DOCK4: variants seen among roughly 807,000 people sequenced by gnomAD.
DOCK4 encodes dedicator of cytokinesis protein 4.
A neutral mutation model predicts 268.1 loss-of-function variants in DOCK4; 97 were observed. The ratio of observed to expected loss-of-function variants is 0.36; its 90% confidence interval spans 0.31 to 0.43. DOCK4 has a LOEUF of 0.43. DOCK4 is among the 20% of genes least tolerant of loss of function. The probability of loss-of-function intolerance (pLI) is 1.00; values close to 1 mark genes in which losing one functional copy is unlikely to be tolerated. For missense variants in DOCK4, 2,145 were observed against 2,455.7 expected, an observed-to-expected ratio of 0.87 and a Z score of 2.67; for synonymous variants, 954 against 887.2, an observed-to-expected ratio of 1.08 and a Z score of -1.34.
At position 111,739,480 on chromosome 7, in the gene DOCK4, G is replaced by A; in HGVS notation, c.5041-3C>T. 6.4e-7 allele frequency: 1 copy of A among 1,562,596 alleles called. No homozygotes were observed. On this transcript the variant is annotated splice_region_variant and splice_polypyrimidine_tract_variant and intron_variant, in intron 47 of 52. Transcript: ENST00000428084. ...AAGCTTGAGGTAGATGGACTTGGCT[G>A]GAAACACACAGGGAGCTATTATCAT...
At chr7:111,819,720 A>T (rs902387945) in intron 27 of DOCK4, 1 of 152,240 alleles carries the variant, frequency 6.6e-6, no homozygotes, top group Non-Finnish European at 1.5e-5. Context: ...ATTTTGAGGG[A>T]TGAGCAATTC....
intron 1 of DOCK4, among the ~76,000 whole-genome samples, chr7:112,087,568 T>C (rs558224678): frequency 5.9e-5 from 9 of 152,104 alleles, no homozygotes; most frequent in African/African-American, 1.9e-4. Flanking sequence ...CAAAAACAAA[T>C]AATAAAATGT....
intron 1 of DOCK4, among the ~76,000 whole-genome samples, chr7:112,039,233 A>G (rs1804132250): frequency 6.6e-6 from 1 of 152,166 alleles, no homozygotes; most frequent in African/African-American, 2.4e-5. Context: ...TCCAACTTTT[A>G]CATTATTATT....
Position 112,206,368 on chromosome 7 carries a change from G to C in DOCK4, c.-230C>G. On this transcript the variant is annotated 5_prime_UTR_variant, in exon 1 of 53. Transcript: ENST00000428084. ...CTCACAGTCCTCCGACGCGCTCCCGGGTACCCGGCGGCGCAGTCATTGTTC... is the reference window on the plus strand; with the variant it reads ...CTCACAGTCCTCCGACGCGCTCCCGCGTACCCGGCGGCGCAGTCATTGTTC... The C allele has an allele frequency of 1.7e-6, 1 of 585,192 alleles. No homozygotes were observed. The highest frequency in any genetic ancestry group is 3.0e-6 in the Non-Finnish European group (1 of 332,562). 36.2% of individuals were successfully genotyped at this position (585,192 alleles called of 1,614,324 possible). A position where few individuals can be genotyped will look rare whatever the true frequency, so the allele number is the denominator to read the frequency against.
rs372483378 is a variant in DOCK4 at position 111,767,227 on chromosome 7, C to CTTTTTTTTT, written c.3829-118_3829-110dup. On this transcript the variant is annotated intron_variant, in intron 37 of 52. Transcript: ENST00000428084. ...AGAGCACCAAGCCTTACTCCTTAAT[C>CTTTTTTTTT]TTTTTTTTTTTTTTTTTTGAGATGG... The CTTTTTTTTT allele has an allele frequency of 1.6e-4, 74 of 465,644 alleles. 1 individual carries two copies. Among genetic ancestry groups the CTTTTTTTTT allele is most frequent in the African/African-American group, 1.2e-3 (45 of 39,016 alleles). 28.8% of individuals were successfully genotyped at this position (465,644 alleles called of 1,614,324 possible).
In DOCK4 at chr7:111,869,645, T is replaced by C; in HGVS notation, c.2038A>G (p.Lys680Glu). The change falls in exon 21 of 53, where the codon AAA becomes GAA. Residue 680 changes from lysine (K) to glutamate (E), a missense_variant. Physicochemically the swap from Lys to Glu is moderately conservative, Grantham distance 56. Transcript: ENST00000428084. ...CGGTCCACGTACCATTTGAGCACTT[T>C]GATGAGATCTCTAAAATACAGGGGA... is the stretch of plus-strand genomic sequence containing the variant. Reference protein sequence around the residue: ...AGALAYRDLIKVLKWYVDRIT... With the variant: ...AGALAYRDLIEVLKWYVDRIT... 1 of 1,613,308 alleles carries C rather than the reference T, an allele frequency of 6.2e-7. No homozygotes were observed. The highest frequency in any genetic ancestry group is 8.5e-7 in the Non-Finnish European group (1 of 1,179,318).
Position 112,206,293 on chromosome 7 carries a change from C to G in DOCK4, c.-155G>C, listed in dbSNP as rs888231815. ...GGGCAGGATCTGCGCTGGAGGCTCCCGAGCCCAGCGTTGACACTGCGCCGC... is the reference window on the plus strand; with the variant it reads ...GGGCAGGATCTGCGCTGGAGGCTCCGGAGCCCAGCGTTGACACTGCGCCGC... On this transcript the variant is annotated 5_prime_UTR_variant, in exon 1 of 53. Coordinates refer to ENST00000428084, the MANE Select transcript of DOCK4 (RefSeq NM_001363540.2). 4 of 786,736 alleles carry G rather than the reference C, an allele frequency of 5.1e-6. No homozygotes were observed. The highest frequency in any genetic ancestry group is 2.8e-5 in the East Asian group (1 of 36,074). The allele number at this position is 786,736 out of a possible 1,614,324, so 48.7% of individuals were successfully genotyped here. A position where few individuals can be genotyped will look rare whatever the true frequency, so the allele number is the denominator to read the frequency against.
At chr7:111,840,204 C>G (rs546257331) in intron 25 of DOCK4, among the ~76,000 whole-genome samples, 2 of 152,298 alleles carry the variant, frequency 1.3e-5, no homozygotes, top group Admixed American at 1.3e-4. Context: ...ACCTATTATA[C>G]ACATACATTA....
At chr7:111,742,231 T>A in intron 44 of DOCK4, 99 bp from the exon 45 acceptor site, 1 of 1,244,218 alleles carries the variant, frequency 8.0e-7, no homozygotes, top group Non-Finnish European at 1.1e-6. Flanking sequence ...TCGCTTGCAT[T>A]ATTGCTAATC....
intron 1 of DOCK4, among the ~76,000 whole-genome samples, chr7:112,036,861 A>G (rs559785423): frequency 1.5e-4 from 23 of 151,900 alleles, no homozygotes; most frequent in Non-Finnish European, 2.8e-4. Flanking sequence ...GGGTTTCACT[A>G]TGTTGGCCAA....
chr7:111,834,648 T>C lies in DOCK4; in HGVS notation c.2775A>G (p.Gln925=). 1 of 1,556,528 alleles carries C rather than the reference T, an allele frequency of 6.4e-7. No individual in the cohort carries two copies. Residue 925 remains glutamine (Q), a synonymous_variant, in exon 26 of 53, where the codon CAA becomes CAG. Transcript: ENST00000428084. ...GCTGTTGATAATGTCTATCTGTCATTTGTCGTAATAGGGACAGGAGACAAG... is the reference window on the plus strand; with the variant it reads ...GCTGTTGATAATGTCTATCTGTCATCTGTCGTAATAGGGACAGGAGACAAG... ...FVACLLSLLR[Q]MTDRHYQQLL... is the part of the protein sequence containing the mutation.
chr7:111,956,874 C>T (rs544609995), intron 8 of DOCK4, among the ~76,000 whole-genome samples: 46 of 152,252 alleles, frequency 3.0e-4, no homozygotes, highest in African/African-American at 1.1e-3. Flanking sequence ...ATACATTTTG[C>T]TTTACAAGCC....
chr7:112,000,634 C>T, intron 2 of DOCK4, 100 bp from the exon 3 acceptor site: 2 of 881,728 alleles, frequency 2.3e-6, no homozygotes, highest in Non-Finnish European at 3.3e-6. Context: ...TTTTACCATA[C>T]ATGAAAAGAT....
At chr7:112,158,779 T>C (rs546545356) in intron 1 of DOCK4, among the ~76,000 whole-genome samples, 123 of 152,344 alleles carry the variant, frequency 8.1e-4, no homozygotes, top group Non-Finnish European at 1.2e-3. Context: ...CTATTTTTAA[T>C]GAGCTTCTCA....
At chr7:112,056,051 C>T (rs768099487) in intron 1 of DOCK4, among the ~76,000 whole-genome samples, 6 of 152,114 alleles carry the variant, frequency 3.9e-5, no homozygotes, top group Non-Finnish European at 5.9e-5. Context: ...ACTTTTCCTT[C>T]TATCTTGAAT....
intron 52 of DOCK4, among the ~76,000 whole-genome samples, chr7:111,730,081 G>A (rs905836516): frequency 9.2e-5 from 14 of 152,136 alleles, no homozygotes; most frequent in Admixed American, 4.6e-4. Flanking sequence ...ACTATGCCAC[G>A]TGGGGACTAC....
intron 39 of DOCK4, among the ~76,000 whole-genome samples, chr7:111,762,772 T>TTTC (rs1319290046): frequency 2.6e-5 from 3 of 113,582 alleles, no homozygotes; most frequent in South Asian, 3.4e-4. Context: ...CTTTTTTTTT[T>TTTC]TTTTTTTTTT....
intron 13 of DOCK4, among the ~76,000 whole-genome samples, chr7:111,906,901 T>C (rs1389097423): frequency 6.6e-6 from 1 of 152,168 alleles, no homozygotes; most frequent in Admixed American, 6.5e-5. Flanking sequence ...TTTAGTTCAG[T>C]GAGACTAGCT....
chr7:111,973,156 C>CGCATATATATAT lies in DOCK4; in HGVS notation c.701+3975_701+3976insATATATATATGC, dbSNP rs990863473. 1.5e-4 allele frequency among the ~76,000 whole-genome samples: 17 copies of CGCATATATATAT among 114,050 alleles called. No homozygotes were observed. In the East Asian group the frequency reaches 1.6e-3, roughly 11 times the overall value. 74.8% of individuals were successfully genotyped at this position (114,050 alleles called of 152,430 possible). Reference sequence around the variant, plus strand: ...TATATGGCTGACTAGTATTCCATGGCATATATATATATATATATATATATA... The same window carrying CGCATATATATAT: ...TATATGGCTGACTAGTATTCCATGGCGCATATATATATATATATATATATATATATATATATA... On this transcript the variant is annotated intron_variant, in intron 8 of 52. Coordinates refer to ENST00000428084, the MANE Select transcript of DOCK4 (RefSeq NM_001363540.2).
Sources: allele counts gnomAD v4.1 joint callset (sites outside exome capture counted in the v4.1 genomes callset), GRCh38; gene constraint gnomAD v4.1.1; transcripts MANE v1.5; gene names NCBI Gene and HGNC (gene_info 2026-07-23, HGNC 2026-07-21).